PXDNL: variants seen among roughly 807,000 people sequenced by gnomAD.
PXDNL encodes peroxidasin like, also known as probable oxidoreductase PXDNL.
Under a neutral mutation model 150.8 loss-of-function variants are expected in PXDNL, and 145 were observed. The observed-to-expected ratio is 0.96, with a 90% CI of 0.84 to 1.10. The LOEUF is 1.10. Ranked by LOEUF, PXDNL falls within the 50% of genes least tolerant of loss-of-function variation. The probability of loss-of-function intolerance (pLI) is 0.00; values close to 1 mark genes in which losing one functional copy is unlikely to be tolerated. For synonymous variants in PXDNL, 757 were observed against 725.7 expected (o/e 1.04, Z -0.69); for missense variants, 2,087 against 1,873.9 (o/e 1.11, Z -2.10).
chr8:51,533,482 TCCCTCC>T lies in PXDNL; in HGVS notation c.380+23352_380+23357del, dbSNP rs1156419011. 2.0e-3 allele frequency among the ~76,000 whole-genome samples: 235 copies of T among 117,820 alleles called. 2 individuals carry two copies. The highest frequency in any genetic ancestry group is 6.2e-3 in the African/African-American group (160 of 25,852). 77.3% of individuals were successfully genotyped at this position (117,820 alleles called of 152,430 possible). Reference sequence around the variant, plus strand: ...ACTGTTTAAAGTTTGAGAAGACCTCTCCCTCCCCCTCCCCCTCCCCCTCCCTCTCCC... The same window carrying T: ...ACTGTTTAAAGTTTGAGAAGACCTCTCCCTCCCCCTCCCCCTCCCTCTCCC... On this transcript the variant is annotated intron_variant, in intron 4 of 22. Coordinates refer to ENST00000356297, the MANE Select transcript of PXDNL (RefSeq NM_144651.5).
chr8:51,530,621 A>G (rs1811878417), intron 4 of PXDNL, among the ~76,000 whole-genome samples: 1 of 152,100 alleles, frequency 6.6e-6, no homozygotes, highest in East Asian at 1.9e-4. Flanking sequence ...CATCTGCCCA[A>G]CCAGCTCCCT....
At chr8:51,570,456 G>C (rs973349032) in intron 3 of PXDNL, among the ~76,000 whole-genome samples, 7 of 151,830 alleles carry the variant, frequency 4.6e-5, no homozygotes, top group Non-Finnish European at 1.0e-4. Context: ...TTGTCACCAA[G>C]AGAATCTAAC....
Position 51,405,658 on chromosome 8 carries a change from C to T in PXDNL, c.3557+2409G>A, listed in dbSNP as rs183432316. Among the ~76,000 whole-genome samples the T allele has an allele frequency of 9.3e-4, 142 of 152,312 alleles. 1 individual carries two copies. The highest frequency in any genetic ancestry group is 6.8e-3 in the Middle Eastern group (2 of 294). The stretch of plus-strand genomic sequence containing the variant: ...TGCAATCTACATATTTGAGAACTGA[C>T]CGTAAAAACCATTTTATTTTGCACT... On this transcript the variant is annotated intron_variant, in intron 17 of 22. Coordinates refer to ENST00000356297, the MANE Select transcript of PXDNL (RefSeq NM_144651.5).
chr8:51,461,854 G>A (rs1050221860), intron 8 of PXDNL, among the ~76,000 whole-genome samples: 2 of 152,132 alleles, frequency 1.3e-5, no homozygotes, highest in Non-Finnish European at 2.9e-5. Flanking sequence ...CACCCCTAGA[G>A]CACTGTAGCA....
At chr8:51,791,011 G>T (rs1014233496) in intron 1 of PXDNL, among the ~76,000 whole-genome samples, 5 of 151,950 alleles carry the variant, frequency 3.3e-5, no homozygotes, top group African/African-American at 1.2e-4. Context: ...AATAGGTGCA[G>T]CTAACATTCG....
intron 1 of PXDNL, among the ~76,000 whole-genome samples, chr8:51,759,010 A>T (rs930235721): frequency 9.2e-5 from 14 of 152,188 alleles, no homozygotes; most frequent in Admixed American, 4.6e-4. Context: ...AGAGCAAGAC[A>T]TGGGGAGAAG....
At chr8:51,401,812 G>C (rs1808255335) in intron 17 of PXDNL, among the ~76,000 whole-genome samples, 1 of 152,116 alleles carries the variant, frequency 6.6e-6, no homozygotes, top group Non-Finnish European at 1.5e-5. Flanking sequence ...TTTGGGAAAT[G>C]GTCTTACATG....
At chr8:51,632,502 C>G (rs755271374) in intron 2 of PXDNL, among the ~76,000 whole-genome samples, 35 of 152,196 alleles carry the variant, frequency 2.3e-4, no homozygotes, top group Admixed American at 1.6e-3. Context: ...ACTCAGGAGG[C>G]TAAGGTGGGA....
At chr8:51,516,158 A>G (rs78860351) in intron 4 of PXDNL, among the ~76,000 whole-genome samples, 13,420 of 152,282 alleles carry the variant, frequency 0.088, 668 homozygotes, top group Middle Eastern at 0.13. Context: ...ACTTTAAAAA[A>G]CAAATATTTA....
At chr8:51,683,092 C>G (rs1815788950) in intron 1 of PXDNL, among the ~76,000 whole-genome samples, 1 of 145,016 alleles carries the variant, frequency 6.9e-6, no homozygotes, top group South Asian at 2.2e-4. Flanking sequence ...GTGGCTGCAC[C>G]ATTTTGCATT....
At chr8:51,385,450 GC>G (rs1244002192) in intron 17 of PXDNL, among the ~76,000 whole-genome samples, 1 of 152,080 alleles carries the variant, frequency 6.6e-6, no homozygotes, top group Non-Finnish European at 1.5e-5. Context: ...AATAAATCAT[GC>G]TTTTAATTTC....
chr8:51,475,939 A>G (rs376886088), intron 6 of PXDNL, among the ~76,000 whole-genome samples: 4 of 152,048 alleles, frequency 2.6e-5, no homozygotes, highest in African/African-American at 9.7e-5. Flanking sequence ...TGTGTCTACA[A>G]TTTTTTAGTT....
intron 1 of PXDNL, 132 bp downstream of exon 1, chr8:51,809,049 A>T (rs2037707096): frequency 1.1e-6 from 1 of 902,198 alleles, no homozygotes; most frequent in Non-Finnish European, 1.7e-6. Context: ...ATTGTTTGAA[A>T]AGTGAAAAGC....
chr8:51,510,883 C>T (rs560613186), intron 4 of PXDNL, among the ~76,000 whole-genome samples: 1 of 152,090 alleles, frequency 6.6e-6, no homozygotes, highest in South Asian at 2.1e-4. Context: ...TTTTTTTAAG[C>T]ACTAATTAAA....
intron 1 of PXDNL, among the ~76,000 whole-genome samples, chr8:51,704,082 C>T (rs1348135480): frequency 2.0e-5 from 3 of 152,146 alleles, no homozygotes; most frequent in Non-Finnish European, 4.4e-5. Context: ...CATGTATGTG[C>T]CCCTTTCTGG....
At chr8:51,407,321 A>G (rs1415826379) in intron 17 of PXDNL, among the ~76,000 whole-genome samples, 2 of 152,238 alleles carry the variant, frequency 1.3e-5, no homozygotes, top group Non-Finnish European at 2.9e-5. Flanking sequence ...ACAATTGGCT[A>G]TAGAACTTAT....
intron 2 of PXDNL, among the ~76,000 whole-genome samples, chr8:51,615,254 A>C (rs896987365): frequency 6.6e-5 from 10 of 152,074 alleles, no homozygotes; most frequent in Non-Finnish European, 2.9e-5. Flanking sequence ...TTTAAAAAAA[A>C]TCCTTACAAT....
rs548903747 is a variant in PXDNL, at chr8:51,608,137, C to T, written c.237-15439G>A. 6.1e-5 allele frequency among the ~76,000 whole-genome samples: 9 copies of T among 148,196 alleles called. No individual in the cohort carries two copies. The South Asian group carries it at 1.9e-3, about 31-fold the overall frequency. On this transcript the variant is annotated intron_variant, in intron 2 of 22. Transcript: ENST00000356297. ...GGGCACGGTCGCTCACGCCTGTAAT[C>T]CCAGCACTTTGGGAGGCCGAGGTGG...
chr8:51,487,093 G>A (rs1029524700), intron 5 of PXDNL, among the ~76,000 whole-genome samples: 11 of 151,758 alleles, frequency 7.2e-5, no homozygotes, highest in South Asian at 2.1e-4. Flanking sequence ...GCACCCGGCC[G>A]AAAAGTTTAT....
Sources: allele counts gnomAD v4.1 joint callset (sites outside exome capture counted in the v4.1 genomes callset), GRCh38; gene constraint gnomAD v4.1.1; transcripts MANE v1.5; gene names NCBI Gene and HGNC (gene_info 2026-07-23, HGNC 2026-07-21).